The following FBXO22 variants were observed in gnomAD, a reference collection of about 807,000 sequenced individuals.
FBXO22 encodes the protein F-box only protein 22.
FBXO22 carries 13 observed loss-of-function variants against 37.2 expected under a neutral mutation model. The observed-to-expected ratio is 0.35, with a 90% CI of 0.23 to 0.56. The LOEUF (loss-of-function observed/expected upper bound fraction) is 0.56, where lower values mean the gene tolerates loss of function less well. Among genes scored for constraint, FBXO22 ranks in the 20% least tolerant of loss-of-function variants. FBXO22 has a pLI of 0.87. For missense variants in FBXO22, 446 were observed against 509.9 expected (o/e 0.87, Z 1.21); for synonymous variants, 189 against 189.1 (o/e 1.00, Z 0.00).
At chr15:75,906,481 C>A (rs1899932214) in intron 2 of FBXO22, among the ~76,000 whole-genome samples, 1 of 152,072 alleles carries the variant, frequency 6.6e-6, no homozygotes. Context: ...ACAGGTGCAT[C>A]CTTTTCGAAT....
Position 75,913,244 on chromosome 15 carries a change from T to A in FBXO22, c.321T>A (p.Asp107Glu). The A allele has an allele frequency of 6.2e-7, 1 of 1,611,340 alleles. No homozygotes were observed. Among genetic ancestry groups the A allele is most frequent in the Non-Finnish European group, 8.5e-7 (1 of 1,179,340 alleles). ...ILPHTVLYMA[D>E]SETFISLEEC... ...CACATACAGTTCTTTACATGGCTGA[T>A]TCAGAAACTTTCATTAGTCTGGAAG... Residue 107 changes from aspartate to glutamate, a missense_variant, in exon 3 of 7, where the codon GAT (aspartate) becomes GAA (glutamate). By Grantham distance (45) the Asp-to-Glu change is conservative. Coordinates refer to ENST00000308275, the MANE Select transcript of FBXO22 (RefSeq NM_147188.3).
chr15:75,924,633 C>A (rs954664710), intron 5 of FBXO22, among the ~76,000 whole-genome samples: 6 of 152,166 alleles, frequency 3.9e-5, no homozygotes, highest in African/African-American at 1.4e-4. Context: ...TTCCTCTAAA[C>A]CTTCATGTAA....
Position 75,917,223 on chromosome 15 carries a change from T to TC in FBXO22, c.464-6dup. ...CTATTGGTGAAACTGTTTAACTTTT[T>TC]CTCTAGTGACTCCAATGGGATCAGG... On this transcript the variant is annotated splice_region_variant and splice_polypyrimidine_tract_variant and intron_variant, in intron 4 of 6. Coordinates refer to ENST00000308275, the MANE Select transcript of FBXO22 (RefSeq NM_147188.3). 6.2e-7 allele frequency: 1 copy of TC among 1,602,440 alleles called. No homozygotes were observed. Among genetic ancestry groups the TC allele is most frequent in the Non-Finnish European group, 8.5e-7 (1 of 1,176,632 alleles).
chr15:75,917,093 C>T (rs1900208075), intron 4 of FBXO22, 137 bp from the exon 5 acceptor site: 5 of 618,740 alleles, frequency 8.1e-6, no homozygotes, highest in Non-Finnish European at 1.4e-5. Context: ...CATGACACTA[C>T]ACCCTAAAAC....
intron 5 of FBXO22, among the ~76,000 whole-genome samples, chr15:75,923,884 G>A (rs2141718784): frequency 6.6e-6 from 1 of 152,254 alleles, no homozygotes; most frequent in Admixed American, 6.5e-5. Context: ...ATGGATTCAA[G>A]ATGAAGTTTG....
Position 75,940,530 on chromosome 15 carries a change from C to T in FBXO22, c.*7428C>T, listed in dbSNP as rs546556803. The stretch of plus-strand genomic sequence containing the variant: ...GGAATCTGAAGGGATCCCAAATAGC[C>T]AAGTCAGTCTTGAGAAAGAAGAACA... On this transcript the variant is annotated 3_prime_UTR_variant, in exon 7 of 7. Coordinates refer to ENST00000308275, the MANE Select transcript of FBXO22 (RefSeq NM_147188.3). 1 of 151,500 alleles carries T rather than the reference C, an allele frequency of 6.6e-6. No individual in the cohort carries two copies. The highest frequency in any genetic ancestry group is 2.1e-4 in the South Asian group (1 of 4,806). 9.4% of individuals were successfully genotyped at this position (151,500 alleles called of 1,614,324 possible). A position where few individuals can be genotyped will look rare whatever the true frequency, so the allele number is the denominator to read the frequency against.
chr15:75,937,197 T>C lies in FBXO22; in HGVS notation c.*4095T>C, dbSNP rs1182380108. The C allele has an allele frequency of 6.6e-6, 1 of 151,468 alleles. No homozygotes were observed. Among genetic ancestry groups the C allele is most frequent in the African/African-American group, 2.4e-5 (1 of 41,188 alleles). 9.4% of individuals were successfully genotyped at this position (151,468 alleles called of 1,614,324 possible). ...GGACTAGGAAGCTGCAAGCTTTTGT[T>C]TGCCTATCAAAACATTAAAAAAAAA... On this transcript the variant is annotated 3_prime_UTR_variant, in exon 7 of 7. Coordinates refer to ENST00000308275, the MANE Select transcript of FBXO22 (RefSeq NM_147188.3).
chr15:75,917,104 T>C, intron 4 of FBXO22, 126 bp from the exon 5 acceptor site: 4 of 687,336 alleles, frequency 5.8e-6, no homozygotes, highest in Middle Eastern at 3.6e-4. Flanking sequence ...ACCCTAAAAC[T>C]GTCAAAGCTG....
chr15:75,924,549 G>A (rs544583079), intron 5 of FBXO22, among the ~76,000 whole-genome samples: 23 of 152,142 alleles, frequency 1.5e-4, no homozygotes, highest in Middle Eastern at 3.2e-3. Context: ...GCCCACCAAA[G>A]CACAGTCTGA....
intron 1 of FBXO22, 124 bp downstream of exon 1, chr15:75,904,227 A>G (rs1899866665): frequency 7.6e-7 from 1 of 1,319,390 alleles, no homozygotes; most frequent in Non-Finnish European, 1.0e-6. Context: ...CGCTCGCCCT[A>G]CCTGAGGTGA....
rs16967642 is a variant in FBXO22 at position 75,913,467 on chromosome 15, T to C, written c.367+177T>C. Reference sequence around the variant, plus strand: ...CTTGAGGAACCCTTTCTGCTTCAGATTGATTTCTAAACCTTGTAGTGCAAT... The same window carrying C: ...CTTGAGGAACCCTTTCTGCTTCAGACTGATTTCTAAACCTTGTAGTGCAAT... On this transcript the variant is annotated intron_variant, in intron 3 of 6. Transcript: ENST00000308275. Among the ~76,000 whole-genome samples, 159 of 152,320 alleles carry C rather than the reference T, an allele frequency of 1.0e-3. 2 individuals carry two copies. In the East Asian group the frequency reaches 0.023, roughly 22 times the overall value.
At chr15:75,914,392 C>T (rs1244243090) in intron 4 of FBXO22, among the ~76,000 whole-genome samples, 187 bp downstream of exon 4, 2 of 152,164 alleles carry the variant, frequency 1.3e-5, no homozygotes, top group Non-Finnish European at 2.9e-5. Context: ...TTGTACTTCT[C>T]ATCTCAAGGT....
Position 75,918,494 on chromosome 15 carries a change from G to C in FBXO22, c.628+1100G>C, listed in dbSNP as rs931435140. On this transcript the variant is annotated intron_variant, in intron 5 of 6. Coordinates refer to ENST00000308275, the MANE Select transcript of FBXO22 (RefSeq NM_147188.3). ...CAGCTCTGGTGTGACACAGGGTAGT[G>C]TAGCTATTAAGAATGCTGACTTAGA... Among the ~76,000 whole-genome samples, 10 of 152,268 alleles carry C rather than the reference G, an allele frequency of 6.6e-5. No individual in the cohort carries two copies. The East Asian group carries it at 1.3e-3, about 21-fold the overall frequency.
rs544151947 is a variant in FBXO22 at position 75,937,004 on chromosome 15, A to G, written c.*3902A>G. On this transcript the variant is annotated 3_prime_UTR_variant, in exon 7 of 7. Coordinates refer to ENST00000308275, the MANE Select transcript of FBXO22 (RefSeq NM_147188.3). The stretch of plus-strand genomic sequence containing the variant: ...AATATATTTATTAATGTTGCTTTTA[A>G]ATGCAAATTATCAGATTGAGGAGAA... 2.6e-5 allele frequency: 4 copies of G among 152,286 alleles called. No homozygotes were observed. In the South Asian group the frequency reaches 8.3e-4, roughly 32 times the overall value. 9.4% of individuals were successfully genotyped at this position (152,286 alleles called of 1,614,324 possible). A position where few individuals can be genotyped will look rare whatever the true frequency, so the allele number is the denominator to read the frequency against.
chr15:75,913,053 G>C, intron 2 of FBXO22, 150 bp from the exon 3 acceptor site: 1 of 500,506 alleles, frequency 2.0e-6, no homozygotes. Flanking sequence ...AGGTTGTTCA[G>C]TTTCCATGTA....
At chr15:75,904,821 T>TG (rs1899885875) in intron 2 of FBXO22, among the ~76,000 whole-genome samples, 192 bp downstream of exon 2, 1 of 123,692 alleles carries the variant, frequency 8.1e-6, no homozygotes, top group Non-Finnish European at 1.6e-5. Context: ...CATCAAATGT[T>TG]GGGCCTTTTT....
chr15:75,927,512 C>T (rs187694850), intron 5 of FBXO22, among the ~76,000 whole-genome samples: 1 of 152,260 alleles, frequency 6.6e-6, no homozygotes, highest in Admixed American at 6.5e-5. Context: ...GTAGTCACTT[C>T]TCTGGCATTG....
At chr15:75,928,055 G>A (rs910940124) in intron 5 of FBXO22, among the ~76,000 whole-genome samples, 9 of 152,032 alleles carry the variant, frequency 5.9e-5, no homozygotes, top group African/African-American at 2.2e-4. Flanking sequence ...CAATGAGATC[G>A]TATCCCATAC....
rs1020128626 is a variant in FBXO22, at chr15:75,938,846, A to T, written c.*5744A>T. 2.0e-5 allele frequency: 3 copies of T among 152,190 alleles called. No individual in the cohort carries two copies. The highest frequency in any genetic ancestry group is 2.9e-5 in the Non-Finnish European group (2 of 68,014). 9.4% of individuals were successfully genotyped at this position (152,190 alleles called of 1,614,324 possible). Reference sequence around the variant, plus strand: ...ACAAAAGGAAAATTGGAAAATTCACAAACTTGTGGAAATTAAACAAAACAC... The same window carrying T: ...ACAAAAGGAAAATTGGAAAATTCACTAACTTGTGGAAATTAAACAAAACAC... On this transcript the variant is annotated 3_prime_UTR_variant, in exon 7 of 7. Coordinates refer to ENST00000308275, the MANE Select transcript of FBXO22 (RefSeq NM_147188.3).
Sources: allele counts gnomAD v4.1 joint callset (sites outside exome capture counted in the v4.1 genomes callset), GRCh38; gene constraint gnomAD v4.1.1; transcripts MANE v1.5; gene names NCBI Gene and HGNC (gene_info 2026-07-23, HGNC 2026-07-21).